Variants in LMAN2L observed in about 807,000 individuals in gnomAD.
LMAN2L encodes the protein lectin, mannose binding 2 like, also known as VIP36-like protein.
A neutral mutation model predicts 44.3 loss-of-function variants in LMAN2L; 30 were observed. The ratio of observed to expected loss-of-function variants is 0.68; its 90% CI spans 0.51 to 0.92. LMAN2L has a LOEUF of 0.92. Among genes scored for constraint, LMAN2L ranks in the 40% least tolerant of loss-of-function variants. LMAN2L has a pLI of 0.00. For missense variants in LMAN2L, 429 were observed against 446.1 expected (o/e 0.96, Z 0.35); for synonymous variants, 183 against 171.1 (o/e 1.07, Z -0.54).
intron 2 of LMAN2L, 49 bp from the exon 3 acceptor site, chr2:96,734,575 C>T (rs1355651462): frequency 8.7e-7 from 1 of 1,147,840 alleles, no homozygotes; most frequent in South Asian, 1.2e-5. Flanking sequence ...AAATGCAAAA[C>T]CCCTCAAGCC....
At chr2:96,723,605 C>A (rs2078204728) in intron 4 of LMAN2L, among the ~76,000 whole-genome samples, 1 of 152,054 alleles carries the variant, frequency 6.6e-6, no homozygotes, top group Non-Finnish European at 1.5e-5. Context: ...GATCCAAAGT[C>A]AAGAAGAATC....
intron 1 of LMAN2L, among the ~76,000 whole-genome samples, chr2:96,738,436 T>A (rs1193482308): frequency 6.6e-6 from 1 of 151,976 alleles, no homozygotes; most frequent in African/African-American, 2.4e-5. Flanking sequence ...CCCCACACTT[T>A]GAGATGATGT....
chr2:96,713,008 G>A lies in LMAN2L; in HGVS notation c.508-983C>T, dbSNP rs190431111. On this transcript the variant is annotated intron_variant, in intron 4 of 7. Transcript: ENST00000264963. ...GGAGATGCAGTCGAGACCAGAGACC[G>A]GGGACTCCTGAGACAACCACATGGA... is the stretch of plus-strand genomic sequence containing the variant. The A allele has an allele frequency of 2.5e-4, 251 of 988,776 alleles. No homozygotes were observed. In the African/African-American group the frequency reaches 3.5e-3, roughly 14 times the overall value. 61.3% of individuals were successfully genotyped at this position (988,776 alleles called of 1,614,324 possible). A position where few individuals can be genotyped will look rare whatever the true frequency, so the allele number is the denominator to read the frequency against.
intron 4 of LMAN2L, among the ~76,000 whole-genome samples, chr2:96,724,090 C>T (rs1368273219): frequency 6.6e-6 from 1 of 151,008 alleles, no homozygotes; most frequent in African/African-American, 2.4e-5. Context: ...CAGAGCGAGA[C>T]TCTGTCTCAA....
intron 4 of LMAN2L, among the ~76,000 whole-genome samples, chr2:96,728,821 G>A (rs780986960): frequency 1.3e-5 from 2 of 151,712 alleles, no homozygotes; most frequent in African/African-American, 2.4e-5. Flanking sequence ...GCAGTGAGCC[G>A]AGATCATGCC....
In LMAN2L at chr2:96,711,750, G is replaced by C. The variant is rs1301115467; in HGVS notation, c.690C>G (p.Gly230=). Residue 230 remains glycine (G), a synonymous_variant, in exon 6 of 8, where the codon GGC becomes GGG. Coordinates refer to ENST00000264963, the MANE Select transcript of LMAN2L (RefSeq NM_030805.4). ...RHLTIMMDID[G]KHEWRDCIEV... Reference sequence around the variant, plus strand: ...CAATGCAGTCCCTCCACTCATGCTTGCCATCAATATCCATCATTATCTAGA... The same window carrying C: ...CAATGCAGTCCCTCCACTCATGCTTCCCATCAATATCCATCATTATCTAGA... The C allele has an allele frequency of 6.2e-7, 1 of 1,614,090 alleles. No homozygotes were observed. The highest frequency in any genetic ancestry group is 8.5e-7 in the Non-Finnish European group (1 of 1,179,930).
Position 96,707,091 on chromosome 2 carries a change from A to T in LMAN2L, c.*165T>A. 1 of 624,978 alleles carries T rather than the reference A, an allele frequency of 1.6e-6. No individual in the cohort carries two copies. The highest frequency in any genetic ancestry group is 2.6e-6 in the Non-Finnish European group (1 of 379,574). 38.7% of individuals were successfully genotyped at this position (624,978 alleles called of 1,614,324 possible). Reference sequence around the variant, plus strand: ...CCAGAGTTAGATGTCCCCATGCACAACCATGGGAATGCGGGGTCCCTGCAT... The same window carrying T: ...CCAGAGTTAGATGTCCCCATGCACATCCATGGGAATGCGGGGTCCCTGCAT... On this transcript the variant is annotated 3_prime_UTR_variant, in exon 8 of 8. Coordinates refer to ENST00000264963, the MANE Select transcript of LMAN2L (RefSeq NM_030805.4).
intron 4 of LMAN2L, among the ~76,000 whole-genome samples, chr2:96,712,733 T>A (rs926391625): frequency 3.3e-5 from 5 of 152,170 alleles, no homozygotes. Context: ...GGTTCTCCCT[T>A]AACAGGGAGA....
chr2:96,710,554 C>T (rs543336139), intron 6 of LMAN2L, among the ~76,000 whole-genome samples: 2 of 152,236 alleles, frequency 1.3e-5, no homozygotes, highest in East Asian at 3.9e-4. Flanking sequence ...GTCCCAGCTA[C>T]TTGGGAGGCT....
intron 1 of LMAN2L, 104 bp downstream of exon 1, chr2:96,739,750 G>A: frequency 8.2e-7 from 1 of 1,222,250 alleles, no homozygotes; most frequent in Non-Finnish European, 1.2e-6. Context: ...ACCGCCAGCA[G>A]TTTCCTCCGG....
chr2:96,732,695 A>G (rs1357561910), intron 4 of LMAN2L, among the ~76,000 whole-genome samples: 1 of 151,546 alleles, frequency 6.6e-6, no homozygotes, highest in African/African-American at 2.4e-5. Flanking sequence ...CTCTTAGGTC[A>G]GGTAACAAAA....
intron 4 of LMAN2L, among the ~76,000 whole-genome samples, chr2:96,727,107 G>GT (rs2078287955): frequency 6.6e-6 from 1 of 151,798 alleles, no homozygotes; most frequent in Non-Finnish European, 1.5e-5. Flanking sequence ...AATAAAAAAT[G>GT]TGTGTGTGAC....
At chr2:96,735,214 G>A (rs1558964782) in intron 2 of LMAN2L, among the ~76,000 whole-genome samples, 1 of 152,110 alleles carries the variant, frequency 6.6e-6, no homozygotes. Context: ...ACGGTTTCAA[G>A]AAAAAACCAG....
intron 4 of LMAN2L, among the ~76,000 whole-genome samples, chr2:96,728,987 A>C (rs930462292): frequency 2.0e-5 from 3 of 152,058 alleles, no homozygotes; most frequent in African/African-American, 7.2e-5. Flanking sequence ...CCTGGCTAAC[A>C]CGGTGAAACC....
intron 6 of LMAN2L, among the ~76,000 whole-genome samples, chr2:96,709,416 T>C (rs1263034729): frequency 6.6e-6 from 1 of 152,176 alleles, no homozygotes; most frequent in Non-Finnish European, 1.5e-5. Context: ...CAGTTCCTTT[T>C]AGGGGGAATT....
rs181547260 is a variant in LMAN2L, at chr2:96,727,904, C to T, written c.507+5615G>A. Among the ~76,000 whole-genome samples, 7 of 152,294 alleles carry T rather than the reference C, an allele frequency of 4.6e-5. No homozygotes were observed. In the East Asian group the frequency reaches 1.2e-3, roughly 25 times the overall value. On this transcript the variant is annotated intron_variant, in intron 4 of 7. Transcript: ENST00000264963. ...TCAGACTGGAGTCTCTGGAGTCAGA[C>T]CCACTACGTGTGTGACACTAACAAG...
chr2:96,729,089 G>A (rs748896143), intron 4 of LMAN2L, among the ~76,000 whole-genome samples: 4 of 140,240 alleles, frequency 2.9e-5, no homozygotes, highest in African/African-American at 5.4e-5. Context: ...GGAGAATGGC[G>A]TGAACCCGGG....
intron 4 of LMAN2L, among the ~76,000 whole-genome samples, chr2:96,716,027 T>A (rs887799167): frequency 1.3e-5 from 2 of 152,238 alleles, no homozygotes; most frequent in East Asian, 3.9e-4. Flanking sequence ...CAGTGACTAG[T>A]GTATTTCTAG....
At chr2:96,729,146 T>C (rs530620160) in intron 4 of LMAN2L, among the ~76,000 whole-genome samples, 30 of 151,840 alleles carry the variant, frequency 2.0e-4, no homozygotes, top group African/African-American at 7.0e-4. Context: ...CACTCCAGCC[T>C]GGGCGACAGA....
Sources: allele counts gnomAD v4.1 joint callset (sites outside exome capture counted in the v4.1 genomes callset), GRCh38; gene constraint gnomAD v4.1.1; transcripts MANE v1.5; gene names NCBI Gene and HGNC (gene_info 2026-07-23, HGNC 2026-07-21).